ZNF274: variants seen among roughly 807,000 people sequenced by gnomAD.
ZNF274 encodes neurotrophin receptor-interacting factor homolog.
Under a neutral mutation model 42.5 loss-of-function variants are expected in ZNF274, and 23 were observed. The observed-to-expected ratio is 0.54, with a 90% CI of 0.39 to 0.77. ZNF274 has a LOEUF of 0.77. ZNF274 is among the 30% of genes least tolerant of loss of function. The probability of loss-of-function intolerance (pLI) is 0.00; values close to 1 mark genes in which losing one functional copy is unlikely to be tolerated. For synonymous variants in ZNF274, 292 were observed against 305.4 expected, an observed-to-expected ratio of 0.96 and a Z score of 0.46; for missense variants, 679 against 806.5, an observed-to-expected ratio of 0.84 and a Z score of 1.91.
chr19:58,199,364 T>A (rs2075882574), intron 4 of ZNF274, among the ~76,000 whole-genome samples: 1 of 145,214 alleles, frequency 6.9e-6, no homozygotes, highest in Admixed American at 6.9e-5. Flanking sequence ...AGACTCTGTC[T>A]AAAAAAAAAA....
At chr19:58,188,696 A>ATATGTATATGTATATG (rs1189748259) in intron 4 of ZNF274, among the ~76,000 whole-genome samples, 45 of 46,330 alleles carry the variant, frequency 9.7e-4, no homozygotes, top group African/African-American at 2.8e-3. Context: ...ATGTATATGT[A>ATATGTATATGTATATG]TATATATATA....
rs1390760626 is a variant in ZNF274, at chr19:58,211,490, C to G, written c.853-70C>G. Reference sequence around the variant, plus strand: ...AGCTCTGTCAGAACCTCCCAGCTGGCCTTTCTTCTGCCCTCATTGACAACC... The same window carrying G: ...AGCTCTGTCAGAACCTCCCAGCTGGGCTTTCTTCTGCCCTCATTGACAACC... On this transcript the variant is annotated intron_variant, in intron 6 of 7. Transcript: ENST00000617501. This position sits in a 1 kb window ranked among gnomAD's most constrained non-coding sequence, Gnocchi z 4.8. 12 of 1,528,352 alleles carry G rather than the reference C, an allele frequency of 7.9e-6. No homozygotes were observed. The highest frequency in any genetic ancestry group is 1.8e-4 in the Middle Eastern group (1 of 5,708). The allele number at this position is 1,528,352 out of a possible 1,614,324, so 94.7% of individuals were successfully genotyped here. A position where few individuals can be genotyped will look rare whatever the true frequency, so the allele number is the denominator to read the frequency against.
chr19:58,208,237 G>A lies in ZNF274; in HGVS notation c.739+1035G>A, dbSNP rs552347296. ...TGATGTTTGTGATTGCAGGAAAGGGGAAGGTATCCTGCAGGGGGATGGTGG... is the reference window on the plus strand; with the variant it reads ...TGATGTTTGTGATTGCAGGAAAGGGAAAGGTATCCTGCAGGGGGATGGTGG... On this transcript the variant is annotated intron_variant, in intron 5 of 7. Transcript: ENST00000617501. This position sits in a 1 kb window ranked among gnomAD's most constrained non-coding sequence, Gnocchi z 4.5. 1 of 152,452 alleles carries A rather than the reference G, an allele frequency of 6.6e-6. No homozygotes were observed. The highest frequency in any genetic ancestry group is 2.4e-5 in the African/African-American group (1 of 41,584). 9.4% of individuals were successfully genotyped at this position (152,452 alleles called of 1,614,324 possible). A position where few individuals can be genotyped will look rare whatever the true frequency, so the allele number is the denominator to read the frequency against.
intron 2 of ZNF274, chr19:58,185,500 G>T: frequency 3.1e-6 from 1 of 319,286 alleles, no homozygotes. Flanking sequence ...GAGATCTCAT[G>T]TGTTGCTCTC....
At position 58,212,669 on chromosome 19, in the gene ZNF274, G is replaced by A. The variant is rs199862516; in HGVS notation, c.1488G>A (p.Thr496=). ...TCAGTCGGAGTACTAAACAGATTAC[G>A]TTTATAAGAATTCACAAGGGGAGCC... is the stretch of plus-strand genomic sequence containing the variant. ...KTFSRSTKQI[T]FIRIHKGSQV... The change falls in exon 8 of 8, where the codon ACG becomes ACA. Residue 496 remains threonine (T), a synonymous_variant. Coordinates refer to ENST00000617501, the MANE Select transcript of ZNF274 (RefSeq NM_133502.3). This position sits in a 1 kb window ranked among gnomAD's most constrained non-coding sequence, Gnocchi z 4.6. 1.4e-4 allele frequency: 224 copies of A among 1,614,020 alleles called. 1 individual carries two copies. The African/African-American group carries it at 2.4e-3, about 17-fold the overall frequency.
chr19:58,186,889 A>G (rs2075706211), intron 3 of ZNF274, 58 bp from the exon 4 acceptor site: 4 of 1,469,780 alleles, frequency 2.7e-6, no homozygotes, highest in Non-Finnish European at 3.8e-6. Context: ...CTGCAGTAGG[A>G]TAGCATTTTC....
intron 2 of ZNF274, among the ~76,000 whole-genome samples, chr19:58,185,191 C>T (rs1274476797): frequency 4.6e-5 from 7 of 151,104 alleles, no homozygotes; most frequent in Admixed American, 3.3e-4. Context: ...TTTGGGAGGC[C>T]GAGGCAGGCA....
At chr19:58,199,805 A>T (rs2075888754) in intron 4 of ZNF274, among the ~76,000 whole-genome samples, 1 of 152,282 alleles carries the variant, frequency 6.6e-6, no homozygotes, top group African/African-American at 2.4e-5. Context: ...GTTATACCAA[A>T]GAATAAATTA....
At chr19:58,210,652 G>A (rs1449755369) in intron 6 of ZNF274, 1 of 152,416 alleles carries the variant, frequency 6.6e-6, no homozygotes, top group Non-Finnish European at 1.5e-5. Context: ...CTGCATCCAG[G>A]TGCTCCCAGG....
intron 4 of ZNF274, among the ~76,000 whole-genome samples, chr19:58,204,147 C>T (rs2075951593): frequency 6.6e-6 from 1 of 152,322 alleles, no homozygotes; most frequent in East Asian, 1.9e-4. Flanking sequence ...TCTACCCCAG[C>T]CCGCGAGGTC....
rs531874763 is a variant in ZNF274, at chr19:58,194,857, C to T, written c.256+7815C>T. The stretch of plus-strand genomic sequence containing the variant: ...CTCTACTAAAAATACAAAAAATAGC[C>T]GGGCACGGTGGCGGGCGCCAGTAGT... On this transcript the variant is annotated intron_variant, in intron 4 of 7. Coordinates refer to ENST00000617501, the MANE Select transcript of ZNF274 (RefSeq NM_133502.3). Among the ~76,000 whole-genome samples, 40 of 152,006 alleles carry T rather than the reference C, an allele frequency of 2.6e-4. No homozygotes were observed. In the East Asian group the frequency reaches 5.4e-3, roughly 21 times the overall value.
chr19:58,209,900 C>T, intron 5 of ZNF274, 61 bp from the exon 6 acceptor site: 1 of 1,297,574 alleles, frequency 7.7e-7, no homozygotes, highest in Non-Finnish European at 1.1e-6. Context: ...GAGAGGCCAC[C>T]CTTGCCCTGC....
rs746285531 is a variant in ZNF274, at chr19:58,212,446, T to C, written c.1265T>C (p.Ile422Thr). 5.0e-6 allele frequency: 8 copies of C among 1,612,824 alleles called. No homozygotes were observed. The highest frequency in any genetic ancestry group is 1.1e-5 in the South Asian group (1 of 91,058). Residue 422 changes from isoleucine to threonine, a missense_variant, in exon 8 of 8, where the codon ATT becomes ACT. By Grantham distance (89) the Ile-to-Thr change is moderately conservative. Transcript: ENST00000617501. The surrounding 1 kb of genome is among the most constrained non-coding windows in gnomAD (Gnocchi z 4.6). Reference protein sequence around the residue: ...LDTNQVSLQKIDNPESQANSG... With the variant: ...LDTNQVSLQKTDNPESQANSG... ...ACAAACCAAGTTTCGCTCCAGAAAATTGACAACCCTGAGTCCCAGGCAAAC... is the reference window on the plus strand; with the variant it reads ...ACAAACCAAGTTTCGCTCCAGAAAACTGACAACCCTGAGTCCCAGGCAAAC...
At chr19:58,184,039 A>T in intron 2 of ZNF274, 41 bp downstream of exon 2, 1 of 1,572,510 alleles carries the variant, frequency 6.4e-7, no homozygotes, top group Non-Finnish European at 8.6e-7. Context: ...CCGCTACTGC[A>T]CCTGGGAGGA....
At chr19:58,210,273 G>A in intron 6 of ZNF274, 200 bp downstream of exon 6, 1 of 498,046 alleles carries the variant, frequency 2.0e-6, no homozygotes, top group Non-Finnish European at 3.6e-6. Context: ...GGCATCACTG[G>A]AGACAACGCA....
In ZNF274 at chr19:58,213,013, G is replaced by C. The variant is rs1323646854; in HGVS notation, c.1832G>C (p.Arg611Thr). ...RQSSHLIRHQRTHTGERPYAC... is the reference protein window; with the variant it reads ...RQSSHLIRHQTTHTGERPYAC... ...AGCTCCCACCTCATCAGACATCAGA[G>C]GACTCACACCGGGGAGCGCCCATAT... The change falls in exon 8 of 8, where the codon AGG (arginine) becomes ACG (threonine). Residue 611 changes from arginine to threonine, a missense_variant. Transcript: ENST00000617501. 6.2e-7 allele frequency: 1 copy of C among 1,613,906 alleles called. No homozygotes were observed. The highest frequency in any genetic ancestry group is 1.3e-5 in the African/African-American group (1 of 74,916).
intron 4 of ZNF274, among the ~76,000 whole-genome samples, chr19:58,205,092 AT>A (rs1223268894): frequency 6.6e-6 from 1 of 152,116 alleles, no homozygotes; most frequent in Non-Finnish European, 1.5e-5. Flanking sequence ...GTTTTTATTC[AT>A]TCCTTTGGTG....
intron 4 of ZNF274, among the ~76,000 whole-genome samples, chr19:58,197,910 A>C (rs2075862708): frequency 6.6e-6 from 1 of 152,182 alleles, no homozygotes; most frequent in Admixed American, 6.5e-5. Context: ...TCTGATCTCT[A>C]AGACCTGTGT....
At chr19:58,193,151 CTT>C (rs747568011) in intron 4 of ZNF274, among the ~76,000 whole-genome samples, 7 of 142,430 alleles carry the variant, frequency 4.9e-5, no homozygotes, top group Admixed American at 1.4e-4. Flanking sequence ...TATCTTTTTT[CTT>C]TTTTTTTTTT....
Sources: gnomAD v4.1 joint callset for allele counts (sites outside exome capture counted in the v4.1 genomes callset) on GRCh38, gnomAD v4.1.1 for gene constraint, Gnocchi (gnomAD v3.1) non-coding constraint, MANE v1.5 for transcripts, NCBI Gene and HGNC (gene_info 2026-07-23, HGNC 2026-07-21) for gene names.